The following SPRY3 variants were observed in gnomAD, a reference collection of about 807,000 sequenced individuals.
The protein encoded by SPRY3 is protein sprouty homolog 3.
In SPRY3, 15 loss-of-function variants were observed where a neutral mutation model predicts 20.2. That is an observed-to-expected ratio of 0.74 (90% CI 0.50 to 1.14). SPRY3 has a LOEUF of 1.14. SPRY3 is among the 50% of genes most tolerant of loss of function. The pLI is 0.00. For missense variants in SPRY3, 364 were observed against 363.9 expected, an observed-to-expected ratio of 1.00 and a Z score of 0.00; for synonymous variants, 143 against 136.5, an observed-to-expected ratio of 1.05 and a Z score of -0.33.
rs772913438 is a variant in SPRY3, at chrX:155,731,756, C to T, written c.-281-36206C>T. 8.7e-4 allele frequency among the ~76,000 whole-genome samples: 132 copies of T among 152,106 alleles called. 1 individual carries two copies. The highest frequency in any genetic ancestry group is 1.5e-3 in the Non-Finnish European group (103 of 67,948). On this transcript the variant is annotated intron_variant, in intron 2 of 3. Coordinates refer to ENST00000675360, the Ensembl canonical transcript of SPRY3. ...TGGGAGAAAATATTTGCAAACTACCCATCTGACAAGAGATTAATAATCAGA... is the reference window on the plus strand; with the variant it reads ...TGGGAGAAAATATTTGCAAACTACCTATCTGACAAGAGATTAATAATCAGA...
intron 2 of SPRY3, among the ~76,000 whole-genome samples, chrX:155,764,527 T>C (rs758056873): frequency 1.3e-5 from 2 of 152,322 alleles, no homozygotes; most frequent in South Asian, 4.2e-4. Context: ...TTTCCAAAAA[T>C]TGGTTATCCA....
intron 2 of SPRY3, among the ~76,000 whole-genome samples, chrX:155,670,113 A>T (rs1483525471): frequency 8.9e-6 from 1 of 111,942 alleles, no homozygotes; most frequent in Non-Finnish European, 1.9e-5. Flanking sequence ...CTACGGGAGC[A>T]AAAGTAATAA....
At chrX:155,637,472 C>T (rs2067927503) in intron 1 of SPRY3, among the ~76,000 whole-genome samples, 1 of 111,027 alleles carries the variant, frequency 9.0e-6, no homozygotes, top group Admixed American at 9.6e-5. Flanking sequence ...GTAGCAGCAG[C>T]TTAATCCAGT....
chrX:155,657,308 C>G lies in SPRY3; in HGVS notation c.-282+283C>G, dbSNP rs1461788628. ...AGCTGCTACCTTTCTTTCAGAGATG[C>G]CCTGCCTAGTGAAGAGGAATCTAGA... On this transcript the variant is annotated intron_variant, in intron 2 of 3. Transcript: ENST00000675360. Among the ~76,000 whole-genome samples the G allele has an allele frequency of 4.5e-5, 5 of 112,082 alleles. No individual in the cohort carries two copies. The East Asian group carries it at 8.5e-4, about 19-fold the overall frequency.
chrX:155,721,426 G>A (rs1296448604), intron 2 of SPRY3, among the ~76,000 whole-genome samples: 1 of 152,060 alleles, frequency 6.6e-6, no homozygotes, highest in Admixed American at 6.5e-5. Flanking sequence ...CCTAGAGAAA[G>A]ATATCAATAT....
In SPRY3 at chrX:155,751,191, A is replaced by G. The variant is rs115144617; in HGVS notation, c.-281-16771A>G. ...GGGGATGCTGAAATTGAGATTGTGTAAGTAGTATAGCTATTTATTAAAAGA... is the reference window on the plus strand; with the variant it reads ...GGGGATGCTGAAATTGAGATTGTGTGAGTAGTATAGCTATTTATTAAAAGA... On this transcript the variant is annotated intron_variant, in intron 2 of 3. Transcript: ENST00000675360. Among the ~76,000 whole-genome samples the G allele has an allele frequency of 5.9e-3, 890 of 151,922 alleles. 13 individuals are homozygous for G. The highest frequency in any genetic ancestry group is 0.02 in the African/African-American group (838 of 41,524).
At chrX:155,652,841 T>G (rs1218061332) in intron 1 of SPRY3, among the ~76,000 whole-genome samples, 1 of 112,029 alleles carries the variant, frequency 8.9e-6, no homozygotes, top group African/African-American at 3.2e-5. Context: ...TAAATTCTCG[T>G]TGATGGTTCA....
chrX:155,733,745 T>C (rs1258841274), intron 2 of SPRY3, among the ~76,000 whole-genome samples: 2 of 152,122 alleles, frequency 1.3e-5, no homozygotes, highest in Non-Finnish European at 2.9e-5. Context: ...TCATCAACAT[T>C]GAAATTCTAT....
chrX:155,749,761 A>G (rs1294168493), intron 2 of SPRY3, among the ~76,000 whole-genome samples: 15 of 151,882 alleles, frequency 9.9e-5, no homozygotes, highest in Non-Finnish European at 2.1e-4. Flanking sequence ...GTTTATTATA[A>G]TGGAGAAAAT....
chrX:155,753,774 G>A (rs1280443500), intron 2 of SPRY3, among the ~76,000 whole-genome samples: 2 of 151,864 alleles, frequency 1.3e-5, no homozygotes, highest in African/African-American at 4.8e-5. Context: ...CTGTTGTTTT[G>A]ATTTTGGCCA....
At chrX:155,627,892 T>C (rs782096312) in intron 1 of SPRY3, among the ~76,000 whole-genome samples, 3 of 109,329 alleles carry the variant, frequency 2.7e-5, no homozygotes, top group South Asian at 8.4e-4. Context: ...CCCACCGTGA[T>C]TGAGAACATG....
intron 1 of SPRY3, among the ~76,000 whole-genome samples, chrX:155,626,639 G>A (rs144445423): frequency 0.012 from 1,312 of 111,718 alleles, 20 homozygotes; most frequent in African/African-American, 0.041. Flanking sequence ...ATAGTCATAA[G>A]GAGTTACATC....
intron 2 of SPRY3, among the ~76,000 whole-genome samples, chrX:155,763,710 G>T (rs1013055804): frequency 1.3e-5 from 2 of 152,076 alleles, no homozygotes; most frequent in Non-Finnish European, 2.9e-5. Flanking sequence ...TCCTTCATGT[G>T]AATTATATAT....
At chrX:155,711,573 G>A (rs2090986691) in intron 2 of SPRY3, among the ~76,000 whole-genome samples, 1 of 151,188 alleles carries the variant, frequency 6.6e-6, no homozygotes, top group Non-Finnish European at 1.5e-5. Context: ...CTAAAAGTTT[G>A]TGAATTTTGT....
chrX:155,744,149 G>T (rs930707376), intron 2 of SPRY3, among the ~76,000 whole-genome samples: 2 of 152,156 alleles, frequency 1.3e-5, no homozygotes, highest in African/African-American at 4.8e-5. Flanking sequence ...CTATGAACTG[G>T]GTGGATGTTT....
rs181189131 is a variant in SPRY3, at chrX:155,767,173, C to G, written c.-281-789C>G. Among the ~76,000 whole-genome samples the G allele has an allele frequency of 1.1e-4, 17 of 152,146 alleles. No individual in the cohort carries two copies. In the East Asian group the frequency reaches 3.1e-3, roughly 28 times the overall value. ...TCGATTCAATTTCATCTGGATGACG[C>G]CACTTCGCCAAGCATTAAGAGCTAC... is the stretch of plus-strand genomic sequence containing the variant. On this transcript the variant is annotated intron_variant, in intron 2 of 3. Coordinates refer to ENST00000675360, the Ensembl canonical transcript of SPRY3.
At chrX:155,637,843 A>G (rs1356167557) in intron 1 of SPRY3, among the ~76,000 whole-genome samples, 2 of 110,670 alleles carry the variant, frequency 1.8e-5, no homozygotes, top group Non-Finnish European at 3.8e-5. Flanking sequence ...TGCTAAAACA[A>G]TTGGTGTGTT....
intron 2 of SPRY3, among the ~76,000 whole-genome samples, chrX:155,673,434 G>A (rs1176559366): frequency 9.0e-6 from 1 of 111,183 alleles, no homozygotes; most frequent in Non-Finnish European, 1.9e-5. Context: ...TGCATCTGTT[G>A]GTTTTTGTAA....
At chrX:155,746,461 T>C (rs778018580) in intron 2 of SPRY3, among the ~76,000 whole-genome samples, 41 of 152,134 alleles carry the variant, frequency 2.7e-4, no homozygotes, top group African/African-American at 9.1e-4. Flanking sequence ...TTGTAAACAA[T>C]TAGAAAATCA....
Sources: gnomAD v4.1 joint callset for allele counts (sites outside exome capture counted in the v4.1 genomes callset) on GRCh38, gnomAD v4.1.1 for gene constraint, MANE v1.5 for transcripts, NCBI Gene and HGNC (gene_info 2026-07-23, HGNC 2026-07-21) for gene names.